ARHGEF17: variants seen among roughly 807,000 people sequenced by gnomAD.
ARHGEF17 encodes Rho guanine nucleotide exchange factor 17, also known as 164 kDa Rho-specific guanine-nucleotide exchange factor.
A neutral mutation model predicts 174.0 loss-of-function variants in ARHGEF17; 80 were observed. The ratio of observed to expected loss-of-function variants is 0.46; its 90% CI spans 0.38 to 0.55. ARHGEF17 has a LOEUF of 0.55. Ranked by LOEUF, ARHGEF17 falls within the 20% of genes least tolerant of loss-of-function variation. ARHGEF17 has a pLI of 0.00. For synonymous variants in ARHGEF17, 1,311 were observed against 1,189.1 expected, an observed-to-expected ratio of 1.10 and a Z score of -2.11; for missense variants, 2,886 against 2,839.7, an observed-to-expected ratio of 1.02 and a Z score of -0.37.
Position 73,309,809 on chromosome 11 carries a change from A to G in ARHGEF17, c.1171A>G (p.Ser391Gly). 1 of 1,613,106 alleles carries G rather than the reference A, an allele frequency of 6.2e-7. No individual in the cohort carries two copies. Among genetic ancestry groups the G allele is most frequent in the Non-Finnish European group, 8.5e-7 (1 of 1,179,994 alleles). Residue 391 changes from serine to glycine, a missense_variant, in exon 1 of 21, where the codon AGC (serine) becomes GGC (glycine). By Grantham distance (56) the Ser-to-Gly change is moderately conservative. This residue lies in a region of ARHGEF17 where 1,728 missense variants were observed against 1,461.2 expected (regional missense o/e 1.18). Coordinates refer to ENST00000263674, the MANE Select transcript of ARHGEF17 (RefSeq NM_014786.4). ...LASPAGSRGS[S>G]RYSSTETLKD... ...CAGCCCCGCAGGCTCCCGCGGTAGC[A>G]GCCGTTATTCCAGCACGGAGACCCT... is the stretch of plus-strand genomic sequence containing the variant.
At position 73,310,276 on chromosome 11, in the gene ARHGEF17, A is replaced by G; in HGVS notation, c.1638A>G (p.Ser546=). 1.9e-6 allele frequency: 3 copies of G among 1,614,024 alleles called. No individual in the cohort carries two copies. The highest frequency in any genetic ancestry group is 2.5e-6 in the Non-Finnish European group (3 of 1,180,030). ...CAGCCACTCTGCGGAGAGCAAAGTC[A>G]TTCACCTGCTCTGAGAAGCCCATGG... The part of the protein sequence containing the change: ...DLTATLRRAK[S]FTCSEKPMAR... The change falls in exon 1 of 21, where the codon TCA becomes TCG. Residue 546 remains serine, a synonymous_variant. Coordinates refer to ENST00000263674, the MANE Select transcript of ARHGEF17 (RefSeq NM_014786.4).
chr11:73,361,422 C>G (rs1451334906), intron 12 of ARHGEF17, among the ~76,000 whole-genome samples: 1 of 152,148 alleles, frequency 6.6e-6, no homozygotes, highest in African/African-American at 2.4e-5. Context: ...CATTTATGTG[C>G]TTGTATGAGG....
At chr11:73,352,697 A>T in intron 2 of ARHGEF17, 133 bp from the exon 3 acceptor site, 1 of 897,106 alleles carries the variant, frequency 1.1e-6, no homozygotes, top group Non-Finnish European at 1.7e-6. Flanking sequence ...TGGTCTCATG[A>T]GGGAGATGTG....
In ARHGEF17 at chr11:73,360,524, A is replaced by C. The variant is rs779995531; in HGVS notation, c.4411A>C (p.Arg1471=). The C allele has an allele frequency of 6.2e-7, 1 of 1,613,814 alleles. No homozygotes were observed. Among genetic ancestry groups the C allele is most frequent in the Non-Finnish European group, 8.5e-7 (1 of 1,180,038 alleles). ...TGAACAGGCCTTCGATGAGGCCAAG[A>C]GGAAGCTGGGTAAGCCAAGGCACAT... The part of the protein sequence containing the change: ...GFEQAFDEAK[R]KLASSKSCLD... The change falls in exon 11 of 21, where the codon AGG becomes CGG. Residue 1471 remains arginine, a synonymous_variant. Coordinates refer to ENST00000263674, the MANE Select transcript of ARHGEF17 (RefSeq NM_014786.4).
chr11:73,310,857 A>T lies in ARHGEF17; in HGVS notation c.2219A>T (p.Gln740Leu), dbSNP rs1230583595. ...AYRSLSDPIP[Q>L]RHRAATSEEP... ...AGGTCCCTGAGTGACCCAATTCCTC[A>T]GCGCCACCGGGCTGCCACCTCTGAA... Residue 740 changes from glutamine to leucine, a missense_variant, in exon 1 of 21, where the codon CAG becomes CTG. Gln to Leu is a moderately radical substitution (Grantham distance 113). Coordinates refer to ENST00000263674, the MANE Select transcript of ARHGEF17 (RefSeq NM_014786.4). The T allele has an allele frequency of 6.2e-7, 1 of 1,611,904 alleles. No homozygotes were observed.
intron 1 of ARHGEF17, among the ~76,000 whole-genome samples, chr11:73,322,264 C>T (rs1331157098): frequency 6.6e-6 from 1 of 152,196 alleles, no homozygotes; most frequent in Non-Finnish European, 1.5e-5. Flanking sequence ...TGGGATGGGG[C>T]CTGGTGATGA....
At chr11:73,332,083 C>G (rs1865213408) in intron 1 of ARHGEF17, among the ~76,000 whole-genome samples, 1 of 152,216 alleles carries the variant, frequency 6.6e-6, no homozygotes, top group Non-Finnish European at 1.5e-5. Flanking sequence ...CAACCACTGA[C>G]CCCTGAGGGG....
At chr11:73,328,497 A>G (rs963229479) in intron 1 of ARHGEF17, among the ~76,000 whole-genome samples, 3 of 152,144 alleles carry the variant, frequency 2.0e-5, no homozygotes, top group Admixed American at 1.3e-4. Context: ...TTGAAGCTCA[A>G]AGCCCAGCCC....
Position 73,364,762 on chromosome 11 carries a change from C to G in ARHGEF17, c.5550+162C>G. On this transcript the variant is annotated intron_variant, in intron 18 of 20. Coordinates refer to ENST00000263674, the MANE Select transcript of ARHGEF17 (RefSeq NM_014786.4). ...TGGCCAGTCCCTGTCCTCCTTCGATCCTCATTTCTTCTGTAGCTGATGAGG... is the reference window on the plus strand; with the variant it reads ...TGGCCAGTCCCTGTCCTCCTTCGATGCTCATTTCTTCTGTAGCTGATGAGG... 2.3e-6 allele frequency: 2 copies of G among 853,844 alleles called. 1 individual carries two copies. The highest frequency in any genetic ancestry group is 3.4e-6 in the Non-Finnish European group (2 of 583,148). The allele number at this position is 853,844 out of a possible 1,614,324, so 52.9% of individuals were successfully genotyped here.
Position 73,309,156 on chromosome 11 carries a change from C to T in ARHGEF17, c.518C>T (p.Pro173Leu), listed in dbSNP as rs1399794503. 1.3e-6 allele frequency: 2 copies of T among 1,589,218 alleles called. No individual in the cohort carries two copies. The highest frequency in any genetic ancestry group is 1.7e-6 in the Non-Finnish European group (2 of 1,169,016). ...TCGCGGCAGCCACCGACGCCACCCCCTCGGACATGCTTCCCCCTGGCGGGT... is the reference window on the plus strand; with the variant it reads ...TCGCGGCAGCCACCGACGCCACCCCTTCGGACATGCTTCCCCCTGGCGGGT... ...RESRQPPTPP[P>L]RTCFPLAGLR... Residue 173 changes from proline to leucine, a missense_variant, in exon 1 of 21, where the codon CCT (proline) becomes CTT (leucine). By Grantham distance (98) the Pro-to-Leu change is moderately conservative. Coordinates refer to ENST00000263674, the MANE Select transcript of ARHGEF17 (RefSeq NM_014786.4).
intron 1 of ARHGEF17, among the ~76,000 whole-genome samples, chr11:73,323,775 A>G (rs371725020): frequency 2.1e-4 from 32 of 151,690 alleles, no homozygotes; most frequent in African/African-American, 7.2e-4. Context: ...CCTGGCCCCA[A>G]GGCTGGTGGA....
chr11:73,309,329 T>G lies in ARHGEF17; in HGVS notation c.691T>G (p.Cys231Gly), dbSNP rs1452937841. 6.3e-7 allele frequency: 1 copy of G among 1,589,190 alleles called. No homozygotes were observed. Among genetic ancestry groups the G allele is most frequent in the Admixed American group, 1.7e-5 (1 of 59,318 alleles). Residue 231 changes from cysteine (C) to glycine (G), a missense_variant, in exon 1 of 21, where the codon TGC becomes GGC. By Grantham distance (159) the Cys-to-Gly change is radical. Around this residue, in one of 4 missense-constraint regions of ARHGEF17, gnomAD observed 1,728 missense variants for 1,461.2 expected, o/e 1.18. Transcript: ENST00000263674. ...ACCGCAGGCCGGGGCCCGGGCCTCC[T>G]GCTCCTCCTCCTCCATCGCCGCCTC... Reference protein sequence around the residue: ...SQPQAGARASCSSSSIAASYP... With the variant: ...SQPQAGARASGSSSSIAASYP...
At position 73,308,961 on chromosome 11, in the gene ARHGEF17, C is replaced by A. The variant is rs1014700130; in HGVS notation, c.323C>A (p.Pro108His). ...SAGTRDGGVLPAAAEEAAEGP... is the reference protein window; with the variant it reads ...SAGTRDGGVLHAAAEEAAEGP... ...GGGACCCGAGACGGAGGCGTCTTAC[C>A]CGCGGCCGCGGAAGAAGCGGCCGAG... The change falls in exon 1 of 21, where the codon CCC (proline) becomes CAC (histidine). Residue 108 changes from proline to histidine, a missense_variant. Transcript: ENST00000263674. 1.5e-6 allele frequency: 2 copies of A among 1,363,020 alleles called. No homozygotes were observed. The highest frequency in any genetic ancestry group is 1.9e-6 in the Non-Finnish European group (2 of 1,063,524). The allele number at this position is 1,363,020 out of a possible 1,614,324, so 84.4% of individuals were successfully genotyped here. A position where few individuals can be genotyped will look rare whatever the true frequency, so the allele number is the denominator to read the frequency against.
At chr11:73,340,643 G>T (rs1346580804) in intron 1 of ARHGEF17, among the ~76,000 whole-genome samples, 2 of 152,216 alleles carry the variant, frequency 1.3e-5, no homozygotes, top group East Asian at 1.9e-4. Flanking sequence ...GCCCAGGGTT[G>T]TGTAGCTTGA....
At chr11:73,342,979 A>G (rs2134408502) in intron 1 of ARHGEF17, 1 of 215,198 alleles carries the variant, frequency 4.6e-6, no homozygotes, top group Non-Finnish European at 9.2e-6. Flanking sequence ...CAGCGCTCAG[A>G]TCGACGCTGG....
At chr11:73,363,947 AAGC>A in intron 16 of ARHGEF17, 114 bp downstream of exon 16, 1 of 1,242,614 alleles carries the variant, frequency 8.0e-7, no homozygotes, top group Non-Finnish European at 1.1e-6. Context: ...TGGAGGCTGG[AAGC>A]CAGAGGCCTG....
chr11:73,356,069 G>A (rs1481806063), intron 5 of ARHGEF17, 106 bp from the exon 6 acceptor site: 9 of 1,573,436 alleles, frequency 5.7e-6, no homozygotes, highest in Non-Finnish European at 7.0e-6. Context: ...GGGACAGGTA[G>A]GAAAGATAGT....
At position 73,359,883 on chromosome 11, in the gene ARHGEF17, C is replaced by T. The variant is rs759284454; in HGVS notation, c.4137C>T (p.Arg1379=). ...AGAACATCCAGAAGGCCATCAGCCG[C>T]CTTGATGAGGACCTCACCACCCTGG... ...NRENIQKAIS[R]LDEDLTTLGQ... Residue 1379 remains arginine, a synonymous_variant, in exon 10 of 21, where the codon CGC becomes CGT. Transcript: ENST00000263674. The T allele has an allele frequency of 7.4e-6, 12 of 1,613,588 alleles. No homozygotes were observed. The highest frequency in any genetic ancestry group is 3.3e-5 in the South Asian group (3 of 91,030).
Position 73,311,138 on chromosome 11 carries a change from C to G in ARHGEF17, c.2500C>G (p.Arg834Gly). Reference protein sequence around the residue: ...KKKSLSDPSRRGELAGPGFEG... With the variant: ...KKKSLSDPSRGGELAGPGFEG... ...GAAATCCCTGAGTGACCCCAGCCGC[C>G]GTGGGGAGCTGGCTGGGCCTGGATT... Residue 834 changes from arginine (R) to glycine (G), a missense_variant, in exon 1 of 21, where the codon CGT becomes GGT. Around this residue, in one of 4 missense-constraint regions of ARHGEF17, gnomAD observed 1,728 missense variants for 1,461.2 expected, o/e 1.18. Coordinates refer to ENST00000263674, the MANE Select transcript of ARHGEF17 (RefSeq NM_014786.4). The G allele has an allele frequency of 6.3e-7, 1 of 1,598,920 alleles. No individual in the cohort carries two copies. Among genetic ancestry groups the G allele is most frequent in the South Asian group, 1.1e-5 (1 of 89,790 alleles).
Sources: gnomAD v4.1 joint callset for allele counts (sites outside exome capture counted in the v4.1 genomes callset) on GRCh38, gnomAD v4.1.1 for gene constraint, gnomAD v4.1.1 regional missense constraint, MANE v1.5 for transcripts, NCBI Gene and HGNC (gene_info 2026-07-23, HGNC 2026-07-21) for gene names.